FAM13B: variants seen among roughly 807,000 people sequenced by gnomAD.
FAM13B encodes family with sequence similarity 13 member B, also known as protein FAM13B.
Under a neutral mutation model 117.3 loss-of-function variants are expected in FAM13B, and 60 were observed. That is an observed-to-expected ratio of 0.51 (90% CI 0.42 to 0.63). The LOEUF is 0.63. Ranked by LOEUF, FAM13B falls within the 30% of genes least tolerant of loss-of-function variation. The probability of loss-of-function intolerance (pLI) is 0.00; values close to 1 mark genes in which losing one functional copy is unlikely to be tolerated. For missense variants in FAM13B, 972 were observed against 1,091.9 expected (o/e 0.89, Z 1.55); for synonymous variants, 332 against 356.1 (o/e 0.93, Z 0.76).
intron 9 of FAM13B, among the ~76,000 whole-genome samples, chr5:137,987,112 C>G (rs995872593): frequency 1.3e-5 from 2 of 152,152 alleles, no homozygotes; most frequent in African/African-American, 4.8e-5. Context: ...GCCCCTGTAA[C>G]TGTCTGTCTA....
chr5:137,945,949 T>C lies in FAM13B; in HGVS notation c.2293A>G (p.Arg765Gly). 3 of 1,613,722 alleles carry C rather than the reference T, an allele frequency of 1.9e-6. No individual in the cohort carries two copies. Among genetic ancestry groups the C allele is most frequent in the South Asian group, 1.1e-5 (1 of 91,042 alleles). ...HIVKPLYDRY[R>G]LVKQMLTRAS... ...CTTGTCAGCATTTGTTTTACAAGCC[T>C]GTATCTATCATAGAGAGGTTTAACA... Residue 765 changes from arginine (R) to glycine (G), a missense_variant, in exon 20 of 24, where the codon AGG (arginine) becomes GGG (glycine). Coordinates refer to ENST00000689681, the MANE Select transcript of FAM13B (RefSeq NM_001385994.1).
At chr5:137,994,198 G>C (rs1779309844) in intron 7 of FAM13B, among the ~76,000 whole-genome samples, 2 of 152,220 alleles carry the variant, frequency 1.3e-5, no homozygotes, top group South Asian at 4.1e-4. Context: ...GAATATGCTG[G>C]GACAATCAAA....
At chr5:138,051,942 C>T in exon 1 of FAM13B, 1 of 152,176 alleles carries the variant, frequency 6.6e-6, no homozygotes, top group Non-Finnish European at 1.5e-5. Context: ...TTACCACCCT[C>T]TTCTTCCCGT....
intron 6 of FAM13B, among the ~76,000 whole-genome samples, chr5:138,009,802 C>CAA (rs756061969): frequency 0.013 from 1,049 of 79,496 alleles, 35 homozygotes; most frequent in Middle Eastern, 0.015. Context: ...GAGACTGTCT[C>CAA]AAAAAAAAAA....
chr5:137,986,432 C>CCA, intron 9 of FAM13B, among the ~76,000 whole-genome samples: 1 of 54,354 alleles, frequency 1.8e-5, no homozygotes, highest in Non-Finnish European at 4.6e-5. Context: ...ATCTTCCCCC[C>CCA]CCCAAAAAAA....
chr5:138,049,543 G>C (rs1457259551), intron 1 of FAM13B, among the ~76,000 whole-genome samples: 2 of 151,910 alleles, frequency 1.3e-5, no homozygotes, highest in African/African-American at 2.4e-5. Flanking sequence ...AAAGTGCTGG[G>C]ATGACAGGCG....
At chr5:138,022,871 C>A (rs1787148238) in intron 1 of FAM13B, among the ~76,000 whole-genome samples, 1 of 151,734 alleles carries the variant, frequency 6.6e-6, no homozygotes, top group Non-Finnish European at 1.5e-5. Context: ...CTCTGTCACC[C>A]AGGCTGGAGT....
intron 14 of FAM13B, among the ~76,000 whole-genome samples, chr5:137,955,676 G>C (rs1332744613): frequency 1.3e-5 from 2 of 152,066 alleles, no homozygotes; most frequent in East Asian, 1.9e-4. Flanking sequence ...CTGTCACCCA[G>C]GCTGGAGTGC....
At chr5:137,969,776 T>G (rs371643848) in intron 10 of FAM13B, among the ~76,000 whole-genome samples, 27,285 of 151,606 alleles carry the variant, frequency 0.18, 2,541 homozygotes, top group African/African-American at 0.2. Context: ...GGAGCTGATG[T>G]AGCTGAAAAC....
At chr5:138,041,959 G>C (rs1561559629) in intron 1 of FAM13B, among the ~76,000 whole-genome samples, 1 of 151,930 alleles carries the variant, frequency 6.6e-6, no homozygotes, top group Non-Finnish European at 1.5e-5. Flanking sequence ...TAGTCAGGAG[G>C]CTGAGGCAGG....
chr5:138,018,536 A>T, intron 3 of FAM13B, 22 bp from the exon 4 acceptor site: 1 of 1,598,254 alleles, frequency 6.3e-7, no homozygotes, highest in Middle Eastern at 1.7e-4. Flanking sequence ...CAAGGCAATC[A>T]TTCAATAAGC....
intron 10 of FAM13B, among the ~76,000 whole-genome samples, chr5:137,968,916 G>A (rs1771044327): frequency 6.6e-6 from 1 of 152,158 alleles, no homozygotes; most frequent in African/African-American, 2.4e-5. Flanking sequence ...TTAAAAAACG[G>A]CACACCAGGA....
In FAM13B at chr5:137,938,724, A is replaced by G. The variant is rs1371080429; in HGVS notation, c.*1501T>C. 1 of 152,090 alleles carries G rather than the reference A, an allele frequency of 6.6e-6. No homozygotes were observed. Among genetic ancestry groups the G allele is most frequent in the Non-Finnish European group, 1.5e-5 (1 of 67,950 alleles). 9.4% of individuals were successfully genotyped at this position (152,090 alleles called of 1,614,324 possible). On this transcript the variant is annotated 3_prime_UTR_variant, in exon 24 of 24. Transcript: ENST00000689681. ...TAGAACTGCTATTTATTATCAAACT[A>G]CTTCATGTGCTTACTATGTAATAGT... is the stretch of plus-strand genomic sequence containing the variant.
At chr5:138,039,890 A>C (rs1180322137) in intron 1 of FAM13B, 1 of 152,224 alleles carries the variant, frequency 6.6e-6, no homozygotes, top group Non-Finnish European at 1.5e-5. Flanking sequence ...AGAAGCATTT[A>C]ATGTTTTCTG....
chr5:137,970,182 AG>A (rs1771627673), intron 10 of FAM13B, among the ~76,000 whole-genome samples: 1 of 151,858 alleles, frequency 6.6e-6, no homozygotes, highest in Non-Finnish European at 1.5e-5. Context: ...GTTGAAACGA[AG>A]GAAAAAATGT....
chr5:137,940,743 T>C (rs965581677), intron 23 of FAM13B, among the ~76,000 whole-genome samples: 1 of 152,202 alleles, frequency 6.6e-6, no homozygotes, highest in Non-Finnish European at 1.5e-5. Context: ...AAGTAAACTA[T>C]CTTATCTGCA....
chr5:138,044,371 G>GAAAA (rs1791584223), intron 1 of FAM13B, among the ~76,000 whole-genome samples: 1 of 152,074 alleles, frequency 6.6e-6, no homozygotes, highest in Non-Finnish European at 1.5e-5. Flanking sequence ...GACCAATGTG[G>GAAAA]TGAAACCCAG....
rs1281184585 is a variant in FAM13B at position 138,011,070 on chromosome 5, C to T, written c.628G>A (p.Glu210Lys). 6.2e-7 allele frequency: 1 copy of T among 1,609,138 alleles called. No individual in the cohort carries two copies. The highest frequency in any genetic ancestry group is 8.5e-7 in the Non-Finnish European group (1 of 1,178,946). ...IMAGLLENYY[E>K]FFENEEEDFS... is the part of the protein sequence containing the mutation. ...TCTTCCTCTTCATTCTCAAAAAACTCATAGTAGTTTTCCAGAAGTCCAGCC... is the reference window on the plus strand; with the variant it reads ...TCTTCCTCTTCATTCTCAAAAAACTTATAGTAGTTTTCCAGAAGTCCAGCC... The change falls in exon 6 of 24, where the codon GAG becomes AAG. Residue 210 changes from glutamate to lysine, a missense_variant. Transcript: ENST00000689681.
chr5:138,016,715 C>T (rs1040366772), intron 4 of FAM13B, among the ~76,000 whole-genome samples: 1 of 152,150 alleles, frequency 6.6e-6, no homozygotes, highest in African/African-American at 2.4e-5. Flanking sequence ...TAGATTCTAC[C>T]AGTGAGTCAA....
Sources: allele counts gnomAD v4.1 joint callset (sites outside exome capture counted in the v4.1 genomes callset), GRCh38; gene constraint gnomAD v4.1.1; transcripts MANE v1.5; gene names NCBI Gene and HGNC (gene_info 2026-07-23, HGNC 2026-07-21).